The following IMMP2L variants were observed in gnomAD, a reference collection of about 807,000 sequenced individuals.
The protein encoded by IMMP2L is inner mitochondrial membrane peptidase subunit 2.
In IMMP2L, 18 loss-of-function variants were observed where a neutral mutation model predicts 19.3. The observed-to-expected ratio is 0.93, with a 90% CI of 0.64 to 1.38. The LOEUF (loss-of-function observed/expected upper bound fraction) is 1.38. Among genes scored for constraint, IMMP2L ranks in the 40% most tolerant of loss-of-function variants. The pLI is 0.00. For synonymous variants in IMMP2L, 76 were observed against 73.0 expected, an observed-to-expected ratio of 1.04 and a Z score of -0.21; for missense variants, 233 against 218.2, an observed-to-expected ratio of 1.07 and a Z score of -0.43.
chr7:111,176,196 A>G (rs1332623748), intron 3 of IMMP2L, among the ~76,000 whole-genome samples: 1 of 152,012 alleles, frequency 6.6e-6, no homozygotes, highest in Non-Finnish European at 1.5e-5. Flanking sequence ...GCCACTATGT[A>G]GAACAGTTTG....
chr7:111,031,299 A>G lies in IMMP2L; in HGVS notation c.240-67734T>C, dbSNP rs75284496. ...AAAGGCATCCATGCTCCTTGAGAAAAGGGATGCTTCTAGGACAAGAACAGG... is the reference window on the plus strand; with the variant it reads ...AAAGGCATCCATGCTCCTTGAGAAAGGGGATGCTTCTAGGACAAGAACAGG... On this transcript the variant is annotated intron_variant, in intron 3 of 5. Transcript: ENST00000405709. 2.5e-3 allele frequency among the ~76,000 whole-genome samples: 375 copies of G among 151,958 alleles called. 7 individuals carry two copies. In the East Asian group the frequency reaches 0.036, roughly 14 times the overall value.
chr7:111,177,800 T>C (rs539615925), intron 3 of IMMP2L, among the ~76,000 whole-genome samples: 1 of 152,106 alleles, frequency 6.6e-6, no homozygotes, highest in South Asian at 2.1e-4. Flanking sequence ...ACATCAGATA[T>C]GACAGGAAGA....
At chr7:111,115,191 C>CTT (rs1444078475) in intron 3 of IMMP2L, among the ~76,000 whole-genome samples, 1 of 152,100 alleles carries the variant, frequency 6.6e-6, no homozygotes, top group Non-Finnish European at 1.5e-5. Flanking sequence ...CATTGGCTCT[C>CTT]AAACAATATT....
intron 5 of IMMP2L, among the ~76,000 whole-genome samples, chr7:110,740,247 A>C (rs1199336204): frequency 1.3e-5 from 2 of 152,170 alleles, no homozygotes; most frequent in Admixed American, 1.3e-4. Context: ...AACAAACAAA[A>C]AACAAACAAA....
intron 3 of IMMP2L, among the ~76,000 whole-genome samples, chr7:111,398,243 A>C (rs1018160485): frequency 6.6e-6 from 1 of 152,272 alleles, no homozygotes; most frequent in South Asian, 2.1e-4. Flanking sequence ...ACACTAGCTA[A>C]CCTAATCCAA....
chr7:111,553,212 C>T (rs1790879033), intron 1 of IMMP2L, among the ~76,000 whole-genome samples: 1 of 152,142 alleles, frequency 6.6e-6, no homozygotes, highest in Non-Finnish European at 1.5e-5. Context: ...TACCAATTAT[C>T]ATATAGGAAT....
intron 5 of IMMP2L, among the ~76,000 whole-genome samples, chr7:110,751,841 C>G (rs996499359): frequency 6.6e-6 from 1 of 151,840 alleles, no homozygotes; most frequent in African/African-American, 2.4e-5. Context: ...TATTTTTAAA[C>G]AAAATGAAAG....
At chr7:111,031,407 T>TGTGTGTGA (rs147571783) in intron 3 of IMMP2L, among the ~76,000 whole-genome samples, 1 of 147,098 alleles carries the variant, frequency 6.8e-6, no homozygotes, top group Non-Finnish European at 1.5e-5. Flanking sequence ...TGTGTGTGTG[T>TGTGTGTGA]GAGAGAAAGA....
At chr7:110,764,022 G>A (rs572143671) in intron 5 of IMMP2L, among the ~76,000 whole-genome samples, 14 of 152,188 alleles carry the variant, frequency 9.2e-5, no homozygotes, top group Admixed American at 5.9e-4. Context: ...GATTAATGAC[G>A]TTTTACTCAA....
intron 3 of IMMP2L, among the ~76,000 whole-genome samples, chr7:111,023,749 A>ATTTTG (rs1161795408): frequency 2.0e-5 from 3 of 152,112 alleles, no homozygotes; most frequent in Non-Finnish European, 2.9e-5. Flanking sequence ...GTTTATTCAA[A>ATTTTG]TTATGGATTC....
chr7:110,917,938 T>A (rs1813804727), intron 4 of IMMP2L, among the ~76,000 whole-genome samples: 1 of 152,144 alleles, frequency 6.6e-6, no homozygotes, highest in South Asian at 2.1e-4. Context: ...GTCAAGAAAT[T>A]ATTAGGTACT....
At chr7:110,973,810 C>G (rs539141222) in intron 3 of IMMP2L, among the ~76,000 whole-genome samples, 1 of 152,256 alleles carries the variant, frequency 6.6e-6, no homozygotes, top group South Asian at 2.1e-4. Context: ...ACTCTAATCT[C>G]TACAGCTGTC....
intron 3 of IMMP2L, among the ~76,000 whole-genome samples, chr7:111,046,923 T>C (rs1792455332): frequency 6.6e-6 from 1 of 152,078 alleles, no homozygotes; most frequent in African/African-American, 2.4e-5. Flanking sequence ...ACTTATCAGA[T>C]AGGCATTATA....
At chr7:110,822,103 G>A (rs554447164) in intron 5 of IMMP2L, among the ~76,000 whole-genome samples, 10 of 152,144 alleles carry the variant, frequency 6.6e-5, no homozygotes, top group African/African-American at 1.9e-4. Flanking sequence ...ATACCCAAAT[G>A]AAATTCATCA....
intron 3 of IMMP2L, among the ~76,000 whole-genome samples, chr7:111,068,117 A>T (rs2129575074): frequency 6.6e-6 from 1 of 152,324 alleles, no homozygotes; most frequent in South Asian, 2.1e-4. Flanking sequence ...AAAGAAGAGT[A>T]TATGTATATG....
chr7:110,879,254 G>T (rs114933462), intron 5 of IMMP2L, among the ~76,000 whole-genome samples: 2,191 of 152,042 alleles, frequency 0.014, 57 homozygotes, highest in African/African-American at 0.049. Context: ...AGCCTGCTGT[G>T]GTGTGCACCT....
intron 3 of IMMP2L, among the ~76,000 whole-genome samples, chr7:111,053,870 T>A (rs1793239806): frequency 6.6e-6 from 1 of 152,206 alleles, no homozygotes; most frequent in Non-Finnish European, 1.5e-5. Flanking sequence ...ATAAAACCCA[T>A]ATTGCTAAAC....
At chr7:111,557,078 C>T (rs1791451726) in intron 1 of IMMP2L, among the ~76,000 whole-genome samples, 1 of 152,062 alleles carries the variant, frequency 6.6e-6, no homozygotes, top group Admixed American at 6.6e-5. Flanking sequence ...TCACAAAGAC[C>T]AGCAAATTCT....
intron 3 of IMMP2L, among the ~76,000 whole-genome samples, chr7:111,167,853 C>G (rs1231353806): frequency 6.6e-6 from 1 of 151,912 alleles, no homozygotes; most frequent in Non-Finnish European, 1.5e-5. Flanking sequence ...GGCTTCTGAG[C>G]TATTGGGTAT....
Sources: gnomAD v4.1 joint callset for allele counts (sites outside exome capture counted in the v4.1 genomes callset) on GRCh38, gnomAD v4.1.1 for gene constraint, MANE v1.5 for transcripts, NCBI Gene and HGNC (gene_info 2026-07-23, HGNC 2026-07-21) for gene names.